Variants in ULK4 observed in about 807,000 individuals in gnomAD.
The protein encoded by ULK4 is unc-51 like kinase 4, also known as inactive serine/threonine-protein kinase ULK4.
ULK4 carries 133 observed loss-of-function variants against 160.6 expected under a neutral mutation model. The ratio of observed to expected loss-of-function variants is 0.83; its 90% CI spans 0.72 to 0.96. The LOEUF (loss-of-function observed/expected upper bound fraction) is 0.96, where lower values mean the gene tolerates loss of function less well. Ranked by LOEUF, ULK4 falls within the 40% of genes least tolerant of loss-of-function variation. The probability of loss-of-function intolerance (pLI) is 0.00; values close to 1 mark genes in which losing one functional copy is unlikely to be tolerated. For missense variants in ULK4, 1,580 were observed against 1,499.5 expected, an observed-to-expected ratio of 1.05 and a Z score of -0.89; for synonymous variants, 534 against 539.8, an observed-to-expected ratio of 0.99 and a Z score of 0.15.
At chr3:41,494,590 C>T (rs2084917404) in intron 32 of ULK4, among the ~76,000 whole-genome samples, 1 of 151,980 alleles carries the variant, frequency 6.6e-6, no homozygotes. Flanking sequence ...GACAATTAGG[C>T]AGGAGAAGGA....
At chr3:41,577,023 G>C (rs1033045492) in intron 31 of ULK4, among the ~76,000 whole-genome samples, 3 of 152,228 alleles carry the variant, frequency 2.0e-5, no homozygotes, top group Non-Finnish European at 4.4e-5. Context: ...GTCTTTTACT[G>C]TGGGAGTGTG....
chr3:41,503,028 A>G lies in ULK4; in HGVS notation c.3227-39775T>C, dbSNP rs574469417. Among the ~76,000 whole-genome samples, 5 of 151,054 alleles carry G rather than the reference A, an allele frequency of 3.3e-5. No individual in the cohort carries two copies. The South Asian group carries it at 8.4e-4, about 25-fold the overall frequency. ...CAACTATTGATAAATTAGCCTAAGG[A>G]AAAAAAAATGTACTTTAGATAGGCT... is the stretch of plus-strand genomic sequence containing the variant. On this transcript the variant is annotated intron_variant, in intron 32 of 36. Coordinates refer to ENST00000301831, the MANE Select transcript of ULK4 (RefSeq NM_017886.4).
intron 32 of ULK4, among the ~76,000 whole-genome samples, chr3:41,514,767 G>A (rs2085696307): frequency 6.6e-6 from 1 of 151,970 alleles, no homozygotes; most frequent in South Asian, 2.1e-4. Context: ...AGATAATGGA[G>A]ACTCAGAAGG....
At chr3:41,795,692 T>C (rs111393434) in intron 20 of ULK4, among the ~76,000 whole-genome samples, 2,053 of 152,306 alleles carry the variant, frequency 0.013, 39 homozygotes, top group African/African-American at 0.046. Context: ...TCCAAAAAAA[T>C]TGAAAGCTTT....
chr3:41,365,473 A>C (rs2125776788), intron 35 of ULK4, among the ~76,000 whole-genome samples: 1 of 152,368 alleles, frequency 6.6e-6, no homozygotes, highest in East Asian at 1.9e-4. Context: ...AAATTAATAT[A>C]ACATAGGAAT....
intron 17 of ULK4, chr3:41,868,925 G>A (rs1271684450): frequency 1.3e-5 from 2 of 151,876 alleles, no homozygotes; most frequent in African/African-American, 4.8e-5. Context: ...CTTTCTATTT[G>A]CCCCATTTTA....
At chr3:41,890,248 A>C (rs190447329) in intron 16 of ULK4, among the ~76,000 whole-genome samples, 1 of 152,346 alleles carries the variant, frequency 6.6e-6, no homozygotes, top group Admixed American at 6.5e-5. Context: ...CTCAATAAAC[A>C]AGAGAAAGTG....
intron 34 of ULK4, among the ~76,000 whole-genome samples, chr3:41,422,166 G>A (rs1294922109): frequency 2.6e-5 from 4 of 152,108 alleles, no homozygotes; most frequent in African/African-American, 9.7e-5. Flanking sequence ...TTCTAATAAA[G>A]AAGTCTTGTA....
At chr3:41,859,921 G>A (rs1375915387) in intron 17 of ULK4, among the ~76,000 whole-genome samples, 1 of 149,452 alleles carries the variant, frequency 6.7e-6, no homozygotes, top group Non-Finnish European at 1.5e-5. Context: ...ACCCACCTCG[G>A]CATCCCAAAG....
At chr3:41,436,907 A>C (rs766166843) in intron 34 of ULK4, among the ~76,000 whole-genome samples, 4 of 152,350 alleles carry the variant, frequency 2.6e-5, no homozygotes, top group Non-Finnish European at 5.9e-5. Flanking sequence ...ATAAAAGAAA[A>C]TGCTATTCTT....
intron 22 of ULK4, among the ~76,000 whole-genome samples, chr3:41,753,270 T>C (rs553873709): frequency 5.9e-5 from 9 of 152,248 alleles, no homozygotes; most frequent in African/African-American, 2.2e-4. Context: ...GGTAGGTATG[T>C]AATCGCCCCA....
chr3:41,623,266 C>A (rs1419074064), intron 30 of ULK4, among the ~76,000 whole-genome samples: 1 of 152,008 alleles, frequency 6.6e-6, no homozygotes, highest in East Asian at 1.9e-4. Flanking sequence ...TCTATGATAA[C>A]ACACTGATAA....
intron 30 of ULK4, among the ~76,000 whole-genome samples, chr3:41,616,132 A>G (rs1473779052): frequency 1.3e-5 from 2 of 152,226 alleles, no homozygotes; most frequent in Admixed American, 1.3e-4. Flanking sequence ...TTAAGAAATT[A>G]ATGTATGACG....
rs559935672 is a variant in ULK4 at position 41,657,123 on chromosome 3, G to C, written c.3071+6484C>G. ...CTCAATAATAAACTAGATCCACCAG[G>C]GCAGTACTGTTTTTTTAAAAAAAAA... On this transcript the variant is annotated intron_variant, in intron 30 of 36. Transcript: ENST00000301831. 4.3e-4 allele frequency among the ~76,000 whole-genome samples: 65 copies of C among 151,904 alleles called. No homozygotes were observed. In the South Asian group the frequency reaches 0.013, roughly 30 times the overall value.
intron 21 of ULK4, among the ~76,000 whole-genome samples, chr3:41,762,921 C>A (rs1245373929): frequency 6.6e-6 from 1 of 152,104 alleles, no homozygotes; most frequent in Non-Finnish European, 1.5e-5. Context: ...CCTCAGCCTC[C>A]CAAAATGCTG....
intron 30 of ULK4, among the ~76,000 whole-genome samples, chr3:41,645,946 A>G (rs1005873253): frequency 2.7e-4 from 41 of 152,184 alleles, no homozygotes; most frequent in Non-Finnish European, 1.0e-4. Context: ...CCATTATGTA[A>G]TGGCCTTCCT....
At chr3:41,372,225 G>T (rs1375144471) in intron 35 of ULK4, among the ~76,000 whole-genome samples, 1 of 152,102 alleles carries the variant, frequency 6.6e-6, no homozygotes, top group Non-Finnish European at 1.5e-5. Flanking sequence ...CACTCTGCAG[G>T]ATATTATCCA....
intron 35 of ULK4, among the ~76,000 whole-genome samples, chr3:41,330,838 G>A (rs1480868418): frequency 6.6e-6 from 1 of 152,178 alleles, no homozygotes; most frequent in African/African-American, 2.4e-5. Flanking sequence ...GGCTACAGAG[G>A]TCAGAGAGAA....
rs186878573 is a variant in ULK4, at chr3:41,661,271, T to A, written c.3071+2336A>T. ...GGCAAGAGTATGAATAAATATGATATGAAAAGATCTCCAAATCATTTTGAT... is the reference window on the plus strand; with the variant it reads ...GGCAAGAGTATGAATAAATATGATAAGAAAAGATCTCCAAATCATTTTGAT... On this transcript the variant is annotated intron_variant, in intron 30 of 36. Coordinates refer to ENST00000301831, the MANE Select transcript of ULK4 (RefSeq NM_017886.4). Among the ~76,000 whole-genome samples, 5 of 152,294 alleles carry A rather than the reference T, an allele frequency of 3.3e-5. No individual in the cohort carries two copies. The East Asian group carries it at 9.6e-4, about 29-fold the overall frequency.
Sources: allele counts gnomAD v4.1 joint callset (sites outside exome capture counted in the v4.1 genomes callset), GRCh38; gene constraint gnomAD v4.1.1; transcripts MANE v1.5; gene names NCBI Gene and HGNC (gene_info 2026-07-23, HGNC 2026-07-21).